Variants in UGT3A1 observed in about 807,000 individuals in gnomAD.
UGT3A1 encodes UDP glycosyltransferase family 3 member A1.
A neutral mutation model predicts 37.6 loss-of-function variants in UGT3A1; 40 were observed. The ratio of observed to expected loss-of-function variants is 1.06; its 90% CI spans 0.83 to 1.38. The LOEUF is 1.38. Ranked by LOEUF, UGT3A1 falls within the 40% of genes most tolerant of loss-of-function variation. The pLI, the probability that UGT3A1 is intolerant of heterozygous loss-of-function variation, is 0.00. For missense variants in UGT3A1, 642 were observed against 634.2 expected (o/e 1.01, Z -0.13); for synonymous variants, 256 against 232.3 (o/e 1.10, Z -0.93).
intron 2 of UGT3A1, among the ~76,000 whole-genome samples, chr5:35,971,150 T>A (rs1233633940): frequency 2.6e-5 from 4 of 152,168 alleles, no homozygotes; most frequent in Admixed American, 6.5e-5. Context: ...CATATCCAAC[T>A]TTCCCTAGGA....
At chr5:35,993,873 G>A (rs1486962775), upstream of UGT3A1, among the ~76,000 whole-genome samples, 1 of 151,600 alleles carries the variant, frequency 6.6e-6, no homozygotes, top group East Asian at 1.9e-4. Flanking sequence ...AGTTTTTCAG[G>A]GATCTAGGAG....
chr5:35,967,736 C>G (rs369288553), intron 3 of UGT3A1, among the ~76,000 whole-genome samples: 18 of 152,196 alleles, frequency 1.2e-4, no homozygotes, highest in African/African-American at 4.3e-4. Flanking sequence ...TCTATAGAAC[C>G]CTTACGGTAG....
chr5:35,991,051 G>A (rs745558446), intron 1 of UGT3A1, 96 bp downstream of exon 1: 33 of 1,610,056 alleles, frequency 2.0e-5, no homozygotes, highest in Admixed American at 5.0e-5. Context: ...CTGGAAAATC[G>A]CCTGGATAAC....
chr5:35,978,452 C>A (rs1352091213), intron 2 of UGT3A1, among the ~76,000 whole-genome samples: 1 of 152,140 alleles, frequency 6.6e-6, no homozygotes, highest in Non-Finnish European at 1.5e-5. Flanking sequence ...ACAATCATGG[C>A]AGAAGGCGAA....
intron 3 of UGT3A1, among the ~76,000 whole-genome samples, chr5:35,967,318 G>A (rs1281568722): frequency 6.6e-6 from 1 of 152,186 alleles, no homozygotes; most frequent in African/African-American, 2.4e-5. Context: ...TGACTACTGA[G>A]TAGAATTTTC....
intron 1 of UGT3A1, among the ~76,000 whole-genome samples, chr5:35,988,817 C>T (rs1365412040): frequency 6.6e-6 from 1 of 152,138 alleles, no homozygotes; most frequent in Non-Finnish European, 1.5e-5. Flanking sequence ...TCAAAGACTC[C>T]ATGTCAGTGT....
At chr5:35,989,921 A>G (rs757674614) in intron 1 of UGT3A1, among the ~76,000 whole-genome samples, 38 of 152,096 alleles carry the variant, frequency 2.5e-4, no homozygotes, top group Non-Finnish European at 4.1e-4. Context: ...CGTCTCTACT[A>G]AAAGAATACA....
At chr5:35,994,333 T>TGTG (rs1741042045), upstream of UGT3A1, among the ~76,000 whole-genome samples, 50 of 138,554 alleles carry the variant, frequency 3.6e-4, no homozygotes, top group Non-Finnish European at 5.4e-4. Context: ...TTTGTTTTGT[T>TGTG]TGTGTGTGTG....
At chr5:35,966,714 A>T (rs190652840) in intron 3 of UGT3A1, among the ~76,000 whole-genome samples, 1 of 152,292 alleles carries the variant, frequency 6.6e-6, no homozygotes, top group East Asian at 1.9e-4. Flanking sequence ...AGCAGTGGTA[A>T]TAGGTACAGG....
intron 2 of UGT3A1, among the ~76,000 whole-genome samples, chr5:35,982,669 T>G (rs1159850561): frequency 6.6e-6 from 1 of 152,236 alleles, no homozygotes; most frequent in Non-Finnish European, 1.5e-5. Context: ...ACTTTTGAAT[T>G]AAGGCTGGAA....
chr5:35,961,315 C>T (rs1739573744), intron 4 of UGT3A1: 1 of 152,292 alleles, frequency 6.6e-6, no homozygotes, highest in South Asian at 2.1e-4. Context: ...ATCTAAGGGT[C>T]CTTGCAAAAG....
chr5:35,954,506 T>TACTG (rs752487216), intron 6 of UGT3A1, 28 bp from the exon 7 acceptor site: 1 of 1,609,122 alleles, frequency 6.2e-7, no homozygotes, highest in East Asian at 2.2e-5. Flanking sequence ...GAGGGTGTGT[T>TACTG]ACTGACGTAG....
At chr5:35,977,143 G>T (rs1291951870) in intron 2 of UGT3A1, among the ~76,000 whole-genome samples, 3 of 150,676 alleles carry the variant, frequency 2.0e-5, no homozygotes, top group Admixed American at 1.3e-4. Context: ...AGGAAAGAAG[G>T]AAGGAAGGAA....
intron 1 of UGT3A1, chr5:35,990,823 G>T: frequency 1.3e-6 from 1 of 789,240 alleles, no homozygotes; most frequent in Non-Finnish European, 1.7e-6. Flanking sequence ...GTCCCACTGC[G>T]CTCTAGAGAA....
At position 35,954,615 on chromosome 5, in the gene UGT3A1, T is replaced by C. The variant is rs997399437; in HGVS notation, c.1296-137A>G. On this transcript the variant is annotated intron_variant, in intron 6 of 6. Coordinates refer to ENST00000274278, the MANE Select transcript of UGT3A1 (RefSeq NM_152404.4). ...CCAAGGCTGGGCTGCAAAGAAAATTTGTTGGCATGGCCTTGCCACGGTCTC... is the reference window on the plus strand; with the variant it reads ...CCAAGGCTGGGCTGCAAAGAAAATTCGTTGGCATGGCCTTGCCACGGTCTC... 6 of 1,142,996 alleles carry C rather than the reference T, an allele frequency of 5.2e-6. No homozygotes were observed. The African/African-American group carries it at 7.7e-5, about 15-fold the overall frequency. The allele number at this position is 1,142,996 out of a possible 1,614,324, so 70.8% of individuals were successfully genotyped here.
At chr5:35,955,410 G>C in intron 6 of UGT3A1, 1 of 606,758 alleles carries the variant, frequency 1.6e-6, no homozygotes. Flanking sequence ...GAGATCATGT[G>C]TATATAATTT....
At chr5:35,954,700 C>T in intron 6 of UGT3A1, 1 of 579,764 alleles carries the variant, frequency 1.7e-6, no homozygotes, top group Non-Finnish European at 3.0e-6. Context: ...ATGATTAATT[C>T]TAAAAGTGTT....
chr5:35,983,584 G>A (rs1031853901), intron 2 of UGT3A1, among the ~76,000 whole-genome samples: 1 of 151,744 alleles, frequency 6.6e-6, no homozygotes, highest in Admixed American at 6.6e-5. Flanking sequence ...TCAGACAAGG[G>A]CATAATAAGA....
chr5:35,983,150 A>C (rs144456112), intron 2 of UGT3A1, among the ~76,000 whole-genome samples: 1 of 151,144 alleles, frequency 6.6e-6, no homozygotes, highest in African/African-American at 2.5e-5. Context: ...ACAGATTAAT[A>C]CACCAGACTA....
Sources: gnomAD v4.1 joint callset for allele counts (sites outside exome capture counted in the v4.1 genomes callset) on GRCh38, gnomAD v4.1.1 for gene constraint, MANE v1.5 for transcripts, NCBI Gene and HGNC (gene_info 2026-07-23, HGNC 2026-07-21) for gene names.